Variants in NCAM2 observed in about 807,000 individuals in gnomAD.
The protein encoded by NCAM2 is N-CAM-2.
In NCAM2, 30 loss-of-function variants were observed where a neutral mutation model predicts 98.1. The ratio of observed to expected loss-of-function variants is 0.31; its 90% CI spans 0.23 to 0.41. The LOEUF (loss-of-function observed/expected upper bound fraction) is 0.41, where lower values mean the gene tolerates loss of function less well. Ranked by LOEUF, NCAM2 falls within the 10% of genes least tolerant of loss-of-function variation. NCAM2 has a pLI of 1.00. For synonymous variants in NCAM2, 368 were observed against 342.4 expected (o/e 1.07, Z -0.83); for missense variants, 867 against 1,005.8 (o/e 0.86, Z 1.87).
chr21:21,341,708 C>T (rs201571626), intron 8 of NCAM2, among the ~76,000 whole-genome samples: 11 of 142,738 alleles, frequency 7.7e-5, no homozygotes, highest in Non-Finnish European at 1.4e-4. Flanking sequence ...TAACAATATT[C>T]TTTTTTTTTT....
At chr21:21,423,746 T>G (rs2077159746) in intron 11 of NCAM2, among the ~76,000 whole-genome samples, 1 of 152,134 alleles carries the variant, frequency 6.6e-6, no homozygotes, top group Admixed American at 6.6e-5. Context: ...ACTCATTTTT[T>G]AACCTACTGA....
chr21:21,286,319 G>A lies in NCAM2; in HGVS notation c.388G>A (p.Glu130Lys), dbSNP rs1326446794. The A allele has an allele frequency of 6.2e-7, 1 of 1,612,126 alleles. No individual in the cohort carries two copies. The highest frequency in any genetic ancestry group is 1.3e-5 in the African/African-American group (1 of 74,898). ...ATCTCCACAAGAATTCAAACAAGGAGAAGATGCAGAAGTGGTTTGCCGAGT... is the reference window on the plus strand; with the variant it reads ...ATCTCCACAAGAATTCAAACAAGGAAAAGATGCAGAAGTGGTTTGCCGAGT... ...VVSPQEFKQG[E>K]DAEVVCRVSS... The change falls in exon 4 of 18, where the codon GAA (glutamate) becomes AAA (lysine). Residue 130 changes from glutamate (E) to lysine (K), a missense_variant. Glu to Lys is a moderately conservative substitution (Grantham distance 56). Transcript: ENST00000400546.
intron 1 of NCAM2, among the ~76,000 whole-genome samples, chr21:21,246,044 A>G (rs529676245): frequency 2.0e-5 from 3 of 152,332 alleles, no homozygotes; most frequent in East Asian, 1.9e-4. Flanking sequence ...CAAATAAATT[A>G]TAGCTAAAAT....
intron 16 of NCAM2, among the ~76,000 whole-genome samples, chr21:21,512,059 T>TA (rs757804886): frequency 5.3e-5 from 8 of 151,974 alleles, no homozygotes; most frequent in Admixed American, 1.3e-4. Context: ...TCACTTCACT[T>TA]TGTTAATTGT....
chr21:21,322,002 C>T (rs1277916083), intron 5 of NCAM2, among the ~76,000 whole-genome samples: 3 of 152,128 alleles, frequency 2.0e-5, no homozygotes, highest in Non-Finnish European at 2.9e-5. Flanking sequence ...CAGACACATG[C>T]ACTCGTACGA....
At chr21:21,406,484 C>T (rs936492322) in intron 9 of NCAM2, among the ~76,000 whole-genome samples, 7 of 152,104 alleles carry the variant, frequency 4.6e-5, no homozygotes, top group Admixed American at 4.6e-4. Context: ...GGGACAGTGC[C>T]AAGGTCAAGG....
chr21:21,010,138 A>G (rs2064181835), intron 1 of NCAM2, among the ~76,000 whole-genome samples: 1 of 151,952 alleles, frequency 6.6e-6, no homozygotes, highest in Admixed American at 6.6e-5. Context: ...TGATTTATCT[A>G]TTTTTACTTT....
At chr21:21,484,819 A>G (rs1278747994) in intron 15 of NCAM2, among the ~76,000 whole-genome samples, 5 of 152,288 alleles carry the variant, frequency 3.3e-5, no homozygotes, top group Admixed American at 2.6e-4. Flanking sequence ...ACTGCATAAC[A>G]TACTTTATTC....
At chr21:21,241,007 A>G (rs2071044605) in intron 1 of NCAM2, among the ~76,000 whole-genome samples, 1 of 152,156 alleles carries the variant, frequency 6.6e-6, no homozygotes, top group African/African-American at 2.4e-5. Context: ...CTTGGACCTT[A>G]TATGACAATA....
intron 9 of NCAM2, among the ~76,000 whole-genome samples, chr21:21,388,636 A>G (rs2076317999): frequency 6.6e-6 from 1 of 152,214 alleles, no homozygotes; most frequent in African/African-American, 2.4e-5. Flanking sequence ...TGAGCAACTG[A>G]AATTTTGATT....
At chr21:21,138,865 C>G (rs2067113736) in intron 1 of NCAM2, among the ~76,000 whole-genome samples, 1 of 151,878 alleles carries the variant, frequency 6.6e-6, no homozygotes, top group Admixed American at 6.6e-5. Context: ...GTAAAATAAC[C>G]CTTTAATGTA....
chr21:21,014,510 T>C (rs1278104669), intron 1 of NCAM2, among the ~76,000 whole-genome samples: 1 of 152,152 alleles, frequency 6.6e-6, no homozygotes, highest in Non-Finnish European at 1.5e-5. Context: ...CACATCTGTT[T>C]ACAACATGAT....
At chr21:21,364,076 G>A (rs1463559984) in intron 8 of NCAM2, among the ~76,000 whole-genome samples, 1 of 151,970 alleles carries the variant, frequency 6.6e-6, no homozygotes, top group Non-Finnish European at 1.5e-5. Context: ...CAACTCAGTG[G>A]AGTTCATCTA....
chr21:21,377,931 G>A (rs938917680), intron 9 of NCAM2, among the ~76,000 whole-genome samples: 3 of 152,014 alleles, frequency 2.0e-5, no homozygotes, highest in East Asian at 1.9e-4. Context: ...AAGATTATGA[G>A]GTAGTTGTCT....
At chr21:21,470,528 A>G (rs1462159401) in intron 14 of NCAM2, among the ~76,000 whole-genome samples, 2 of 152,076 alleles carry the variant, frequency 1.3e-5, no homozygotes, top group Non-Finnish European at 2.9e-5. Context: ...AGTTTAAACA[A>G]GAACAAATTT....
chr21:21,286,098 A>G (rs1369207701), intron 3 of NCAM2, among the ~76,000 whole-genome samples, 171 bp from the exon 4 acceptor site: 1 of 151,988 alleles, frequency 6.6e-6, no homozygotes, highest in East Asian at 1.9e-4. Context: ...TCAGTGAGAT[A>G]GGAAGGTATT....
intron 1 of NCAM2, among the ~76,000 whole-genome samples, chr21:21,173,967 A>G (rs1048431631): frequency 3.9e-5 from 6 of 152,302 alleles, no homozygotes; most frequent in East Asian, 1.9e-4. Context: ...CTTGTCACCC[A>G]GGCTGGAGTG....
intron 1 of NCAM2, among the ~76,000 whole-genome samples, chr21:21,209,042 C>A (rs968503568): frequency 1.3e-5 from 2 of 151,996 alleles, no homozygotes; most frequent in African/African-American, 2.4e-5. Flanking sequence ...AATTCTGAAT[C>A]TGTGAAATAT....
At chr21:21,175,749 A>G (rs1232958278) in intron 1 of NCAM2, among the ~76,000 whole-genome samples, 1 of 152,200 alleles carries the variant, frequency 6.6e-6, no homozygotes, top group Non-Finnish European at 1.5e-5. Context: ...GAAGGAAGCC[A>G]TGGAGAGAAG....
Sources: gnomAD v4.1 joint callset for allele counts (sites outside exome capture counted in the v4.1 genomes callset) on GRCh38, gnomAD v4.1.1 for gene constraint, MANE v1.5 for transcripts, NCBI Gene and HGNC (gene_info 2026-07-23, HGNC 2026-07-21) for gene names.